EML1: variants seen among roughly 807,000 people sequenced by gnomAD.
EML1 encodes echinoderm microtubule-associated protein-like 1.
In EML1, 27 loss-of-function variants were observed where a neutral mutation model predicts 110.4. That is an observed-to-expected ratio of 0.24 (90% CI 0.18 to 0.34). EML1 has a LOEUF of 0.34. EML1 is among the 10% of genes least tolerant of loss of function. EML1 has a pLI of 1.00. For synonymous variants in EML1, 344 were observed against 385.8 expected, an observed-to-expected ratio of 0.89 and a Z score of 1.27; for missense variants, 741 against 1,030.9, an observed-to-expected ratio of 0.72 and a Z score of 3.85.
At chr14:99,835,599 G>A (rs896779912) in intron 1 of EML1, among the ~76,000 whole-genome samples, 3 of 152,128 alleles carry the variant, frequency 2.0e-5, no homozygotes, top group African/African-American at 7.2e-5. Flanking sequence ...TAATGTCGAT[G>A]TTGGGTGACA....
intron 1 of EML1, among the ~76,000 whole-genome samples, chr14:99,816,326 A>G (rs1320735552): frequency 6.6e-6 from 1 of 152,100 alleles, no homozygotes; most frequent in Non-Finnish European, 1.5e-5. Flanking sequence ...ACCATGTCCG[A>G]CTAATTTTGT....
chr14:99,875,158 G>A (rs748849368), intron 3 of EML1, among the ~76,000 whole-genome samples: 2 of 152,168 alleles, frequency 1.3e-5, no homozygotes, highest in African/African-American at 2.4e-5. Flanking sequence ...ATGCTCAACT[G>A]GTCCTCCAAA....
intron 17 of EML1, among the ~76,000 whole-genome samples, chr14:99,931,141 C>T (rs759846188): frequency 6.6e-6 from 1 of 152,162 alleles, no homozygotes; most frequent in East Asian, 1.9e-4. Flanking sequence ...CATGCAGATG[C>T]AGCAGTCTTG....
chr14:99,774,427 C>A (rs1566858908), intron 1 of EML1, among the ~76,000 whole-genome samples: 1 of 152,176 alleles, frequency 6.6e-6, no homozygotes, highest in Non-Finnish European at 1.5e-5. Flanking sequence ...TTCTGTAATG[C>A]CCAGTATTTT....
intron 1 of EML1, among the ~76,000 whole-genome samples, chr14:99,836,169 A>G (rs1117813): frequency 0.68 from 103,416 of 152,072 alleles, 35,268 homozygotes; most frequent in Non-Finnish European, 0.7. Flanking sequence ...GTGAACATGG[A>G]ATATATCTCC....
intron 1 of EML1, among the ~76,000 whole-genome samples, chr14:99,762,300 C>T (rs552389531): frequency 7.2e-5 from 11 of 152,224 alleles, no homozygotes; most frequent in Admixed American, 1.3e-4. Flanking sequence ...ATCCATTTTA[C>T]GTACACAGCT....
chr14:99,777,331 G>A (rs1285618860), intron 1 of EML1, among the ~76,000 whole-genome samples: 2 of 151,980 alleles, frequency 1.3e-5, no homozygotes, highest in African/African-American at 4.8e-5. Context: ...CATCCCTAGC[G>A]TTCTTCCTAC....
chr14:99,831,384 C>A (rs1387295181), intron 1 of EML1, among the ~76,000 whole-genome samples: 2 of 152,132 alleles, frequency 1.3e-5, no homozygotes, highest in Non-Finnish European at 2.9e-5. Context: ...GGACAGGTAC[C>A]CTGGAAAGGC....
chr14:99,737,764 G>T (rs949007496), exon 1 of EML1: 21 of 1,284,026 alleles, frequency 1.6e-5, no homozygotes, highest in Non-Finnish European at 1.7e-5. Flanking sequence ...CTGCTGGGTG[G>T]GTGACAGCCG....
At chr14:99,865,668 A>C (rs1459968416) in intron 3 of EML1, 22 bp downstream of exon 3, 1 of 1,612,296 alleles carries the variant, frequency 6.2e-7, no homozygotes. Flanking sequence ...GCAGGGCCTT[A>C]AATGAACTCT....
intron 1 of EML1, among the ~76,000 whole-genome samples, chr14:99,766,194 C>CTTTT (rs34008528): frequency 2.3e-5 from 3 of 129,868 alleles, no homozygotes; most frequent in Non-Finnish European, 3.2e-5. Context: ...TAAACTTTTA[C>CTTTT]TTTTTTTTTT....
intron 8 of EML1, among the ~76,000 whole-genome samples, chr14:99,899,107 G>T (rs905222758): frequency 1.3e-5 from 2 of 152,006 alleles, no homozygotes; most frequent in African/African-American, 4.8e-5. Context: ...ACTTTAATTT[G>T]CATTTTAAGG....
intron 1 of EML1, among the ~76,000 whole-genome samples, chr14:99,809,179 C>T (rs570946887): frequency 6.6e-6 from 1 of 152,142 alleles, no homozygotes; most frequent in Non-Finnish European, 1.5e-5. Context: ...TTTTTCCCTG[C>T]ACCTTGAAAA....
At chr14:99,816,173 TA>T (rs1052351785) in intron 1 of EML1, among the ~76,000 whole-genome samples, 4 of 152,174 alleles carry the variant, frequency 2.6e-5, no homozygotes, top group African/African-American at 9.6e-5. Context: ...TTGACTTTAT[TA>T]TTTTTTTTAG....
intron 3 of EML1, among the ~76,000 whole-genome samples, chr14:99,877,556 A>G (rs2059313138): frequency 6.6e-6 from 1 of 152,184 alleles, no homozygotes; most frequent in Non-Finnish European, 1.5e-5. Context: ...AGACTTCCCC[A>G]GGCTGCCTTC....
chr14:99,854,445 A>G (rs2058866606), intron 2 of EML1, among the ~76,000 whole-genome samples: 1 of 152,120 alleles, frequency 6.6e-6, no homozygotes. Flanking sequence ...GGCCCACTGT[A>G]ATGTGCTGGG....
chr14:99,747,042 A>G (rs2057117374), intron 1 of EML1, among the ~76,000 whole-genome samples: 2 of 152,022 alleles, frequency 1.3e-5, no homozygotes, highest in African/African-American at 4.8e-5. Context: ...GGAGGTAGAA[A>G]AACAACCACC....
At chr14:99,876,669 C>A (rs1006160089) in intron 3 of EML1, among the ~76,000 whole-genome samples, 1 of 152,142 alleles carries the variant, frequency 6.6e-6, no homozygotes, top group Admixed American at 6.6e-5. Flanking sequence ...GTATTCTCAC[C>A]CACCCACACC....
intron 7 of EML1, among the ~76,000 whole-genome samples, chr14:99,898,020 A>C (rs2140009059): frequency 6.6e-6 from 1 of 152,338 alleles, no homozygotes. Context: ...CTTCAGTTTG[A>C]AAATTCTTAA....
Sources: allele counts gnomAD v4.1 joint callset (sites outside exome capture counted in the v4.1 genomes callset), GRCh38; gene constraint gnomAD v4.1.1; transcripts MANE v1.5; gene names NCBI Gene and HGNC (gene_info 2026-07-23, HGNC 2026-07-21).